Variants in EVI5 observed in about 807,000 individuals in gnomAD.
EVI5 encodes the protein ecotropic viral integration site 5 protein homolog.
EVI5 carries 73 observed loss-of-function variants against 112.0 expected under a neutral mutation model. The observed-to-expected ratio is 0.65, with a 90% CI of 0.54 to 0.79. The LOEUF (loss-of-function observed/expected upper bound fraction) is 0.79. Ranked by LOEUF, EVI5 falls within the 30% of genes least tolerant of loss-of-function variation. The probability of loss-of-function intolerance (pLI) is 0.00; values close to 1 mark genes in which losing one functional copy is unlikely to be tolerated. For synonymous variants in EVI5, 305 were observed against 319.9 expected (o/e 0.95, Z 0.50); for missense variants, 900 against 968.8 (o/e 0.93, Z 0.94).
chr1:92,684,899 A>G (rs1022999979), intron 9 of EVI5, among the ~76,000 whole-genome samples: 9 of 152,184 alleles, frequency 5.9e-5, no homozygotes, highest in Non-Finnish European at 1.3e-4. Context: ...ACCCAGATTC[A>G]TAAAGCAAGT....
chr1:92,758,441 C>A (rs1681288710), intron 1 of EVI5, among the ~76,000 whole-genome samples: 1 of 151,826 alleles, frequency 6.6e-6, no homozygotes, highest in Admixed American at 6.6e-5. Flanking sequence ...TAGTGGCGCA[C>A]ACCTGTGGTC....
At chr1:92,563,876 C>T in intron 18 of EVI5, 139 bp from the exon 19 acceptor site, 1 of 467,064 alleles carries the variant, frequency 2.1e-6, no homozygotes, top group Non-Finnish European at 3.8e-6. Flanking sequence ...TCTCAAACTA[C>T]CTCTGACAAA....
chr1:92,632,467 A>G (rs1657387236), intron 14 of EVI5, among the ~76,000 whole-genome samples: 1 of 152,130 alleles, frequency 6.6e-6, no homozygotes, highest in African/African-American at 2.4e-5. Flanking sequence ...ATTTGCATAG[A>G]GATGTTTATA....
intron 19 of EVI5, among the ~76,000 whole-genome samples, chr1:92,518,181 A>C (rs749146048): frequency 6.6e-6 from 1 of 152,166 alleles, no homozygotes; most frequent in Non-Finnish European, 1.5e-5. Flanking sequence ...TACAGGTGTG[A>C]ACCATCATGA....
intron 18 of EVI5, 116 bp downstream of exon 18, chr1:92,605,187 AAATG>A (rs1189222868): frequency 1.4e-6 from 1 of 718,680 alleles, no homozygotes; most frequent in Non-Finnish European, 2.3e-6. Context: ...AAAAAATTGG[AAATG>A]AATGATTACT....
chr1:92,604,768 A>G (rs999734707), intron 18 of EVI5, among the ~76,000 whole-genome samples: 5 of 152,362 alleles, frequency 3.3e-5, no homozygotes, highest in Admixed American at 2.0e-4. Flanking sequence ...CATCACAAAC[A>G]CATGAGTAAT....
At chr1:92,561,335 GT>G (rs966196925) in intron 19 of EVI5, among the ~76,000 whole-genome samples, 3 of 151,484 alleles carry the variant, frequency 2.0e-5, no homozygotes, top group South Asian at 2.1e-4. Context: ...TGCTTTAAAG[GT>G]TTTTTTTCCT....
intron 13 of EVI5, among the ~76,000 whole-genome samples, chr1:92,644,114 T>C (rs1660503111): frequency 6.6e-6 from 1 of 152,176 alleles, no homozygotes; most frequent in Non-Finnish European, 1.5e-5. Context: ...CACTTAATAG[T>C]GGCAAACATG....
chr1:92,770,248 G>A (rs891341985), intron 1 of EVI5, among the ~76,000 whole-genome samples: 11 of 152,160 alleles, frequency 7.2e-5, no homozygotes, highest in South Asian at 2.1e-4. Flanking sequence ...TGTTACAGCC[G>A]CACAGGAAAG....
intron 13 of EVI5, among the ~76,000 whole-genome samples, chr1:92,640,136 G>T (rs1252266447): frequency 6.6e-6 from 1 of 152,166 alleles, no homozygotes; most frequent in East Asian, 1.9e-4. Flanking sequence ...AGACTTAAAT[G>T]TAAAACCCCA....
intron 10 of EVI5, among the ~76,000 whole-genome samples, chr1:92,672,254 C>T (rs1572216990): frequency 2.0e-5 from 3 of 152,280 alleles, no homozygotes; most frequent in Admixed American, 2.0e-4. Context: ...CTGAAAACTG[C>T]CATCTAACCA....
chr1:92,780,596 A>C (rs1159933720), intron 1 of EVI5, among the ~76,000 whole-genome samples: 2 of 152,268 alleles, frequency 1.3e-5, no homozygotes, highest in African/African-American at 4.8e-5. Flanking sequence ...CACTAATTTC[A>C]TAAATTAGCT....
At chr1:92,653,491 G>A (rs937071888) in intron 13 of EVI5, among the ~76,000 whole-genome samples, 1 of 152,176 alleles carries the variant, frequency 6.6e-6, no homozygotes, top group African/African-American at 2.4e-5. Context: ...TCATCCCAGG[G>A]GCCAACCTAG....
At chr1:92,696,195 G>T (rs1221899858) in intron 6 of EVI5, among the ~76,000 whole-genome samples, 1 of 152,102 alleles carries the variant, frequency 6.6e-6, no homozygotes, top group Non-Finnish European at 1.5e-5. Flanking sequence ...GCCTCCTAAA[G>T]TGCTGGGATT....
At chr1:92,594,365 G>A (rs975770977) in intron 18 of EVI5, among the ~76,000 whole-genome samples, 1 of 151,750 alleles carries the variant, frequency 6.6e-6, no homozygotes, top group African/African-American at 2.4e-5. Context: ...CTAGCCATAT[G>A]TAGAAAGCTG....
chr1:92,696,433 G>A (rs1670331083), intron 6 of EVI5, among the ~76,000 whole-genome samples: 1 of 152,084 alleles, frequency 6.6e-6, no homozygotes, highest in East Asian at 1.9e-4. Flanking sequence ...GGACAACAGA[G>A]TGAAACCCTG....
exon 1 of EVI5, chr1:92,792,386 G>A: frequency 6.2e-7 from 1 of 1,609,972 alleles, no homozygotes; most frequent in Admixed American, 1.7e-5. Flanking sequence ...TCATTTTGTT[G>A]GTAACCATGA....
intron 9 of EVI5, among the ~76,000 whole-genome samples, chr1:92,688,590 C>T (rs1311917084): frequency 6.6e-6 from 1 of 151,770 alleles, no homozygotes; most frequent in Non-Finnish European, 1.5e-5. Flanking sequence ...AGAAGGCATG[C>T]TGTAAAAAGG....
intron 9 of EVI5, among the ~76,000 whole-genome samples, chr1:92,687,150 C>T (rs890797879): frequency 4.6e-5 from 7 of 152,274 alleles, no homozygotes; most frequent in African/African-American, 1.2e-4. Context: ...TACTACAAGG[C>T]TACAGTAACC....
Sources: allele counts gnomAD v4.1 joint callset (sites outside exome capture counted in the v4.1 genomes callset), GRCh38; gene constraint gnomAD v4.1.1; transcripts MANE v1.5; gene names NCBI Gene and HGNC (gene_info 2026-07-23, HGNC 2026-07-21).